The following FAM186A variants were observed in gnomAD, a reference collection of about 807,000 sequenced individuals.
FAM186A encodes family with sequence similarity 186 member A.
A neutral mutation model predicts 216.8 loss-of-function variants in FAM186A; 163 were observed. The observed-to-expected ratio is 0.75, with a 90% CI of 0.66 to 0.86. The LOEUF (loss-of-function observed/expected upper bound fraction) is 0.86, where lower values mean the gene tolerates loss of function less well. Ranked by LOEUF, FAM186A falls within the 40% of genes least tolerant of loss-of-function variation. The pLI is 0.00. For missense variants in FAM186A, 2,184 were observed against 2,746.2 expected, an observed-to-expected ratio of 0.80 and a Z score of 4.58; for synonymous variants, 805 against 1,025.3, an observed-to-expected ratio of 0.79 and a Z score of 4.10.
At chr12:50,366,107 G>T in intron 1 of FAM186A, 2 of 645,332 alleles carry the variant, frequency 3.1e-6, no homozygotes, top group South Asian at 1.8e-5. Flanking sequence ...TTATATACGA[G>T]CTTTGATTAA....
chr12:50,386,898 C>T (rs1943309569), intron 1 of FAM186A, among the ~76,000 whole-genome samples: 2 of 151,334 alleles, frequency 1.3e-5, no homozygotes, highest in Admixed American at 6.6e-5. Context: ...AAAAATTCAA[C>T]TTATGATTTC....
intron 2 of FAM186A, among the ~76,000 whole-genome samples, chr12:50,362,420 G>A (rs1943044779): frequency 6.6e-6 from 1 of 152,024 alleles, no homozygotes; most frequent in Admixed American, 6.6e-5. Flanking sequence ...TAATTATATA[G>A]GAAGTCAGAT....
intron 1 of FAM186A, among the ~76,000 whole-genome samples, chr12:50,379,518 G>C (rs1943234851): frequency 6.6e-6 from 1 of 151,108 alleles, no homozygotes; most frequent in South Asian, 2.1e-4. Flanking sequence ...CGGGCTCAGT[G>C]GCTGATGCCT....
At chr12:50,378,478 C>T (rs989284048) in intron 1 of FAM186A, among the ~76,000 whole-genome samples, 3 of 150,668 alleles carry the variant, frequency 2.0e-5, no homozygotes, top group Non-Finnish European at 2.9e-5. Context: ...AACAGTGAGC[C>T]GAGATTTCAC....
intron 1 of FAM186A, among the ~76,000 whole-genome samples, chr12:50,391,673 C>T (rs1035136804): frequency 2.6e-5 from 4 of 152,028 alleles, no homozygotes; most frequent in Non-Finnish European, 5.9e-5. Flanking sequence ...TGCAGTGGCT[C>T]GATCTTGGCT....
Position 50,359,321 on chromosome 12 carries a change from C to T in FAM186A, c.583+1435G>A, listed in dbSNP as rs573288016. ...GCTGAGGCAGGAGAATCACTTGAAC[C>T]CGGGAGGTGGAGGTTGCAGTGAGCT... On this transcript the variant is annotated intron_variant, in intron 3 of 7. Coordinates refer to ENST00000327337, the MANE Select transcript of FAM186A (RefSeq NM_001145475.3). Among the ~76,000 whole-genome samples, 6 of 152,138 alleles carry T rather than the reference C, an allele frequency of 3.9e-5. No homozygotes were observed. The South Asian group carries it at 1.2e-3, about 32-fold the overall frequency.
chr12:50,342,762 C>T (rs954903932), intron 4 of FAM186A, among the ~76,000 whole-genome samples: 12 of 133,350 alleles, frequency 9.0e-5, no homozygotes, highest in Admixed American at 2.5e-4. Flanking sequence ...CGTGAGCCAC[C>T]GCTCCCGACC....
At chr12:50,340,501 G>A (rs1016792279) in intron 4 of FAM186A, among the ~76,000 whole-genome samples, 1 of 151,950 alleles carries the variant, frequency 6.6e-6, no homozygotes, top group Non-Finnish European at 1.5e-5. Flanking sequence ...CTTGAGCTCA[G>A]GAGTTCAAGA....
chr12:50,331,881 G>T, intron 5 of FAM186A, 60 bp from the exon 6 acceptor site: 2 of 1,407,040 alleles, frequency 1.4e-6, no homozygotes, highest in South Asian at 1.5e-5. Flanking sequence ...TCTTTAGAAG[G>T]GTCTTCAGAG....
At position 50,351,329 on chromosome 12, in the gene FAM186A, C is replaced by G. The variant is rs895582215; in HGVS notation, c.5503G>C (p.Gly1835Arg). The change falls in exon 4 of 8, where the codon GGG (glycine) becomes CGG (arginine). Residue 1835 changes from glycine (G) to arginine (R), a missense_variant. By Grantham distance (125) the Gly-to-Arg change is moderately radical (BLOSUM62 -2). Coordinates refer to ENST00000327337, the MANE Select transcript of FAM186A (RefSeq NM_001145475.3). ...GGAACTCCAGCTATAAAGGGCTGCC[C>G]TGGAGTGGGAGGGGCCCGAGATATT... is the stretch of plus-strand genomic sequence containing the variant. ...LPISRAPPTP[G>R]QPFIAGVPPT... is the part of the protein sequence containing the mutation. The G allele has an allele frequency of 6.6e-6, 10 of 1,505,554 alleles. No individual in the cohort carries two copies. Among genetic ancestry groups the G allele is most frequent in the Non-Finnish European group, 8.9e-6 (10 of 1,128,552 alleles). 93.3% of individuals were successfully genotyped at this position (1,505,554 alleles called of 1,614,324 possible). A position where few individuals can be genotyped will look rare whatever the true frequency, so the allele number is the denominator to read the frequency against.
In FAM186A at chr12:50,331,761, GC is replaced by G. The variant is rs1337775121; in HGVS notation, c.6756del (p.Lys2252AsnfsTer15). 1.3e-6 allele frequency: 2 copies of G among 1,549,478 alleles called. No individual in the cohort carries two copies. The highest frequency in any genetic ancestry group is 4.0e-5 in the Admixed American group (2 of 50,476). On this transcript the variant is annotated frameshift_variant, in exon 6 of 8. Transcript: ENST00000327337. LOFTEE classifies it high-confidence loss of function. Reference sequence around the variant, plus strand: ...ACAAATGTGGTAGAGGCAGGTATCTGCTTTTCTTCGATGATTAAGGGGATAG... The same window carrying G: ...ACAAATGTGGTAGAGGCAGGTATCTGTTTTCTTCGATGATTAAGGGGATAG... ...SQPIPLIIEE[K>X]QIPASTTFVQ...
At chr12:50,372,002 G>A (rs1219078425) in intron 1 of FAM186A, among the ~76,000 whole-genome samples, 3 of 152,032 alleles carry the variant, frequency 2.0e-5, no homozygotes, top group East Asian at 3.9e-4. Flanking sequence ...AGTAGAGACG[G>A]GGTTTCACCA....
intron 2 of FAM186A, among the ~76,000 whole-genome samples, chr12:50,361,396 A>G (rs1054133571): frequency 2.0e-5 from 3 of 151,620 alleles, no homozygotes; most frequent in African/African-American, 7.3e-5. Flanking sequence ...ACGGGGTTTC[A>G]CCATGTTGGC....
At position 50,375,952 on chromosome 12, in the gene FAM186A, C is replaced by T. The variant is rs142516996; in HGVS notation, c.193-12588G>A. 5.3e-5 allele frequency among the ~76,000 whole-genome samples: 8 copies of T among 152,064 alleles called. No homozygotes were observed. The East Asian group carries it at 5.8e-4, about 11-fold the overall frequency. On this transcript the variant is annotated intron_variant, in intron 1 of 7. Coordinates refer to ENST00000327337, the MANE Select transcript of FAM186A (RefSeq NM_001145475.3). ...CAAGGGTGAGCCAGGCATGGAGCAC[C>T]GAGGGGTGTGTGAGCAAGCAAGTGC...
chr12:50,346,165 G>A (rs1319141736), intron 4 of FAM186A, among the ~76,000 whole-genome samples: 10 of 127,802 alleles, frequency 7.8e-5, no homozygotes, highest in Admixed American at 6.8e-4. Flanking sequence ...GCCAGACCCC[G>A]CCAAAAAAAA....
intron 1 of FAM186A, among the ~76,000 whole-genome samples, chr12:50,394,245 TG>T (rs1445101387): frequency 6.6e-6 from 1 of 152,170 alleles, no homozygotes; most frequent in Non-Finnish European, 1.5e-5. Flanking sequence ...TTTTTGTTTT[TG>T]TTTTTGTTTT....
rs139100570 is a variant in FAM186A, at chr12:50,387,874, G to T, written c.192+8419C>A. 9.3e-3 allele frequency among the ~76,000 whole-genome samples: 1,415 copies of T among 152,118 alleles called. 24 individuals are homozygous for T. The highest frequency in any genetic ancestry group is 0.031 in the African/African-American group (1,276 of 41,482). ...GCTCTTTGTTAGAAAATGATTTGGG[G>T]CTGCTTTTCATTAAAAAGAAAAGCC... On this transcript the variant is annotated intron_variant, in intron 1 of 7. Transcript: ENST00000327337.
At position 50,350,754 on chromosome 12, in the gene FAM186A, T is replaced by TACTG. The variant is rs748733450; in HGVS notation, c.6074_6077dup (p.Tyr2027SerfsTer8). The TACTG allele has an allele frequency of 4.1e-5, 63 of 1,551,556 alleles. 1 individual carries two copies. The South Asian group carries it at 7.4e-4, about 18-fold the overall frequency. On this transcript the variant is annotated frameshift_variant, in exon 4 of 8. Transcript: ENST00000327337. LOFTEE classifies it high-confidence loss of function. ...TTTCATCAGTGTAAGGGGTTTGGTATACTGGTGTCCTATATTTGGTGAAAT... is the reference window on the plus strand; with the variant it reads ...TTTCATCAGTGTAAGGGGTTTGGTATACTGACTGGTGTCCTATATTTGGTGAAAT...
intron 4 of FAM186A, among the ~76,000 whole-genome samples, chr12:50,334,594 C>T (rs993280262): frequency 1.3e-5 from 2 of 152,036 alleles, no homozygotes; most frequent in Non-Finnish European, 2.9e-5. Context: ...TCTCATGCCT[C>T]AGCCTCCCAA....
Sources: gnomAD v4.1 joint callset for allele counts (sites outside exome capture counted in the v4.1 genomes callset) on GRCh38, gnomAD v4.1.1 for gene constraint, MANE v1.5 for transcripts, NCBI Gene and HGNC (gene_info 2026-07-23, HGNC 2026-07-21) for gene names.